The following CHN2 variants were observed in gnomAD, a reference collection of about 807,000 sequenced individuals.
CHN2 encodes the protein chimerin 2.
CHN2 carries 35 observed loss-of-function variants against 56.3 expected under a neutral mutation model. That is an observed-to-expected ratio of 0.62 (90% CI 0.47 to 0.82). The LOEUF (loss-of-function observed/expected upper bound fraction) is 0.82. Among genes scored for constraint, CHN2 ranks in the 40% least tolerant of loss-of-function variants. The pLI, the probability that CHN2 is intolerant of heterozygous loss-of-function variation, is 0.00. For missense variants in CHN2, 491 were observed against 580.5 expected (o/e 0.85, Z 1.58); for synonymous variants, 210 against 212.8 (o/e 0.99, Z 0.12).
chr7:29,482,712 G>GA (rs1787404611), intron 7 of CHN2, among the ~76,000 whole-genome samples: 1 of 147,014 alleles, frequency 6.8e-6, no homozygotes, highest in African/African-American at 2.5e-5. Flanking sequence ...ATAGCATATA[G>GA]TAAGCAGTCA....
intron 6 of CHN2, among the ~76,000 whole-genome samples, chr7:29,452,638 T>C (rs997583626): frequency 3.9e-5 from 6 of 152,242 alleles, no homozygotes; most frequent in Admixed American, 6.5e-5. Context: ...CTTTATTTGC[T>C]CAGTCTCTGT....
chr7:29,512,081 C>G (rs1791513118), intron 12 of CHN2, among the ~76,000 whole-genome samples: 1 of 152,060 alleles, frequency 6.6e-6, no homozygotes, highest in African/African-American at 2.4e-5. Context: ...CCATTCTACA[C>G]ATAACCTTTC....
At chr7:29,181,882 A>G (rs1413359214) in intron 2 of CHN2, among the ~76,000 whole-genome samples, 1 of 152,146 alleles carries the variant, frequency 6.6e-6, no homozygotes, top group African/African-American at 2.4e-5. Context: ...GTACCTAAGT[A>G]TTTATTCATG....
chr7:29,223,518 TA>T (rs1465979224), intron 1 of CHN2, among the ~76,000 whole-genome samples: 1 of 152,166 alleles, frequency 6.6e-6, no homozygotes, highest in Non-Finnish European at 1.5e-5. Context: ...ATATAAGATT[TA>T]CTTATGTACA....
chr7:29,371,800 T>G (rs193154828), intron 3 of CHN2, among the ~76,000 whole-genome samples: 1 of 152,198 alleles, frequency 6.6e-6, no homozygotes, highest in Non-Finnish European at 1.5e-5. Context: ...CCTCACCCCT[T>G]TCTCCTCCAT....
intron 6 of CHN2, among the ~76,000 whole-genome samples, chr7:29,436,909 A>G (rs973518577): frequency 6.6e-6 from 1 of 151,448 alleles, no homozygotes; most frequent in Admixed American, 6.6e-5. Flanking sequence ...TTTTTAAGCT[A>G]CACTTTAATA....
chr7:29,404,073 T>C lies in CHN2; in HGVS notation c.576+3245T>C, dbSNP rs573364441. ...GAGGAATCAGACCCAGGCTTCCTGA[T>C]TCCACGCTCAAAGCTTCTTAAATCA... On this transcript the variant is annotated intron_variant, in intron 6 of 12. Transcript: ENST00000222792. 4.6e-5 allele frequency among the ~76,000 whole-genome samples: 7 copies of C among 152,312 alleles called. No individual in the cohort carries two copies. The South Asian group carries it at 1.4e-3, about 32-fold the overall frequency.
chr7:29,210,639 A>G (rs1296368294), intron 1 of CHN2, among the ~76,000 whole-genome samples: 2 of 151,330 alleles, frequency 1.3e-5, no homozygotes, highest in African/African-American at 2.4e-5. Flanking sequence ...ATATCTAATT[A>G]TTAATTTATA....
chr7:29,395,835 T>G (rs544053082), intron 4 of CHN2, among the ~76,000 whole-genome samples: 1 of 152,232 alleles, frequency 6.6e-6, no homozygotes, highest in Non-Finnish European at 1.5e-5. Context: ...ATTGACACTG[T>G]TTGACGCTGT....
At chr7:29,174,435 C>G (rs535224640) in intron 2 of CHN2, among the ~76,000 whole-genome samples, 30 of 152,118 alleles carry the variant, frequency 2.0e-4, no homozygotes, top group African/African-American at 4.8e-4. Context: ...GCTTCTCCCC[C>G]AAGAGGGACA....
rs182906725 is a variant in CHN2, at chr7:29,174,562, G to C, written c.274+27602G>C. ...GCAGAAAGAAAATACCCAACACAAT[G>C]ATTAAACAATTTTGAGAGTCCAGGT... On this transcript the variant is annotated intron_variant, in intron 2 of 6. Coordinates refer to the CHN2 transcript ENST00000439384. Among the ~76,000 whole-genome samples, 389 of 152,178 alleles carry C rather than the reference G, an allele frequency of 2.6e-3. 3 individuals carry two copies. The highest frequency in any genetic ancestry group is 8.2e-3 in the African/African-American group (340 of 41,530).
intron 1 of CHN2, among the ~76,000 whole-genome samples, chr7:29,209,747 G>C (rs1447518492): frequency 6.6e-6 from 1 of 152,178 alleles, no homozygotes; most frequent in African/African-American, 2.4e-5. Flanking sequence ...ATGAGAAATA[G>C]TGATCATTAG....
chr7:29,431,724 A>G (rs1251520102), intron 6 of CHN2, among the ~76,000 whole-genome samples: 4 of 152,218 alleles, frequency 2.6e-5, no homozygotes, highest in Non-Finnish European at 5.9e-5. Context: ...TCATGAACCG[A>G]GACCATCTAA....
chr7:29,356,083 T>C (rs998044236), intron 2 of CHN2, among the ~76,000 whole-genome samples: 1 of 151,972 alleles, frequency 6.6e-6, no homozygotes, highest in Admixed American at 6.6e-5. Context: ...ACACCAGGCC[T>C]ATGTAGACTG....
intron 1 of CHN2, among the ~76,000 whole-genome samples, chr7:29,291,274 C>A (rs997451841): frequency 6.6e-6 from 1 of 152,108 alleles, no homozygotes; most frequent in South Asian, 2.1e-4. Context: ...TGTTTTCTAT[C>A]TATTGGGAGC....
In CHN2 at chr7:29,227,650, A is replaced by G. The variant is rs370661123; in HGVS notation, c.49+32660A>G. ...CTGTCACCTGCCTGGGACCCGAGAT[A>G]GACCACACACCTGTGGAGGCAGAGC... On this transcript the variant is annotated intron_variant, in intron 1 of 12. Transcript: ENST00000222792. Among the ~76,000 whole-genome samples the G allele has an allele frequency of 9.7e-4, 148 of 152,298 alleles. 3 individuals are homozygous for G. The South Asian group carries it at 0.029, about 30-fold the overall frequency.
intron 6 of CHN2, among the ~76,000 whole-genome samples, chr7:29,411,060 A>G (rs990910364): frequency 6.6e-6 from 1 of 152,172 alleles, no homozygotes; most frequent in Non-Finnish European, 1.5e-5. Context: ...CTCTATCTCC[A>G]AACACCTGTG....
At chr7:29,347,492 C>T (rs947213750) in intron 1 of CHN2, among the ~76,000 whole-genome samples, 1 of 152,124 alleles carries the variant, frequency 6.6e-6, no homozygotes, top group African/African-American at 2.4e-5. Context: ...GAAGCAGGCA[C>T]CTTCTTCACA....
chr7:29,374,487 G>A (rs1001911529), intron 3 of CHN2, among the ~76,000 whole-genome samples: 4 of 151,930 alleles, frequency 2.6e-5, no homozygotes, highest in Non-Finnish European at 5.9e-5. Flanking sequence ...ACTCTCTTTG[G>A]AATACTTTGA....
Sources: gnomAD v4.1 joint callset for allele counts (sites outside exome capture counted in the v4.1 genomes callset) on GRCh38, gnomAD v4.1.1 for gene constraint, MANE v1.5 for transcripts, NCBI Gene and HGNC (gene_info 2026-07-23, HGNC 2026-07-21) for gene names.